Variants in PLD3 observed in about 807,000 individuals in gnomAD.
The protein encoded by PLD3 is phospholipase D family member 3.
In PLD3, 31 loss-of-function variants were observed where a neutral mutation model predicts 58.4. That is an observed-to-expected ratio of 0.53 (90% CI 0.40 to 0.72). PLD3 has a LOEUF of 0.72. Ranked by LOEUF, PLD3 falls within the 30% of genes least tolerant of loss-of-function variation. The pLI is 0.00. For missense variants in PLD3, 595 were observed against 659.8 expected (o/e 0.90, Z 1.08); for synonymous variants, 264 against 273.4 (o/e 0.97, Z 0.34).
intron 8 of PLD3, chr19:40,370,919 C>G (rs967546791): frequency 1.3e-5 from 2 of 152,448 alleles, no homozygotes; most frequent in Non-Finnish European, 2.9e-5. Flanking sequence ...TGCAGACTGG[C>G]CTGTCACCTG....
In PLD3 at chr19:40,378,069, C is replaced by T. The variant is rs577323456; in HGVS notation, c.1369C>T (p.Arg457Trp). ...LVTQNGRGGLRSQLEAIFLRD... is the reference protein window; with the variant it reads ...LVTQNGRGGLWSQLEAIFLRD... Reference sequence around the variant, plus strand: ...GACGCAGAATGGGAGGGGCGGCCTGCGGAGCCAGCTGGAGGCCATTTTCCT... The same window carrying T: ...GACGCAGAATGGGAGGGGCGGCCTGTGGAGCCAGCTGGAGGCCATTTTCCT... The change falls in exon 13 of 13, where the codon CGG (arginine) becomes TGG (tryptophan). Residue 457 changes from arginine to tryptophan, a missense_variant. Physicochemically the swap from Arg to Trp is moderately radical, Grantham distance 101. Coordinates refer to ENST00000409735, the MANE Select transcript of PLD3 (RefSeq NM_012268.4). 1.3e-5 allele frequency: 21 copies of T among 1,613,946 alleles called. No homozygotes were observed. The Admixed American group carries it at 1.8e-4, about 14-fold the overall frequency.
Position 40,371,728 on chromosome 19 carries a change from C to T in PLD3, c.734C>T (p.Thr245Ile). The change falls in exon 9 of 13, where the codon ACC (threonine) becomes ATC (isoleucine). Residue 245 changes from threonine (T) to isoleucine (I), a missense_variant. By Grantham distance (89) the Thr-to-Ile change is moderately conservative (BLOSUM62 -1). Coordinates refer to ENST00000409735, the MANE Select transcript of PLD3 (RefSeq NM_012268.4). ...YNCSCLARDLTKIFEAYWFLG... is the reference protein window; with the variant it reads ...YNCSCLARDLIKIFEAYWFLG... ...TGCAGCTGCCTGGCTCGAGACCTGACCAAGATCTTTGAGGCCTACTGGTTC... is the reference window on the plus strand; with the variant it reads ...TGCAGCTGCCTGGCTCGAGACCTGATCAAGATCTTTGAGGCCTACTGGTTC... 2 of 1,613,954 alleles carry T rather than the reference C, an allele frequency of 1.2e-6. No homozygotes were observed. The highest frequency in any genetic ancestry group is 1.7e-6 in the Non-Finnish European group (2 of 1,179,968).
intron 10 of PLD3, 113 bp from the exon 11 acceptor site, chr19:40,376,496 T>A: frequency 4.1e-6 from 4 of 972,722 alleles, no homozygotes; most frequent in Non-Finnish European, 6.1e-6. Flanking sequence ...GATGAGGAAG[T>A]CCTCTCAATA....
chr19:40,352,383 G>A (rs2078541185), intron 1 of PLD3, among the ~76,000 whole-genome samples: 1 of 152,168 alleles, frequency 6.6e-6, no homozygotes, highest in South Asian at 2.1e-4. Flanking sequence ...CAGACGGTGG[G>A]GGGCAGGCAG....
intron 11 of PLD3, among the ~76,000 whole-genome samples, chr19:40,377,396 GA>G (rs1443504297): frequency 5.1e-5 from 6 of 118,478 alleles, no homozygotes; most frequent in Non-Finnish European, 1.1e-4. Context: ...GGCTGGGATG[GA>G]GGAGGCCCAG....
intron 10 of PLD3, 108 bp downstream of exon 10, chr19:40,374,728 G>A: frequency 8.1e-7 from 1 of 1,229,542 alleles, no homozygotes; most frequent in Non-Finnish European, 1.2e-6. Flanking sequence ...GGGACAGATG[G>A]AAGAGAAGCT....
At chr19:40,353,097 G>C (rs1320011710) in intron 1 of PLD3, among the ~76,000 whole-genome samples, 1 of 152,182 alleles carries the variant, frequency 6.6e-6, no homozygotes, top group Non-Finnish European at 1.5e-5. Context: ...GCATTGTTTT[G>C]TTCATGAATT....
intron 1 of PLD3, among the ~76,000 whole-genome samples, chr19:40,351,268 G>A (rs1471453795): frequency 1.3e-5 from 2 of 151,550 alleles, no homozygotes; most frequent in Admixed American, 1.3e-4. Flanking sequence ...AAACGGCCAG[G>A]CGTAGTGGCT....
intron 10 of PLD3, among the ~76,000 whole-genome samples, chr19:40,375,649 CAAA>C (rs59711528): frequency 1.0e-5 from 1 of 96,182 alleles, no homozygotes. Context: ...GACACCTTCT[CAAA>C]AAAAAAAAAA....
At position 40,376,784 on chromosome 19, in the gene PLD3, G is replaced by T. The variant is rs1466768230; in HGVS notation, c.1185+10G>T. On this transcript the variant is annotated intron_variant, in intron 11 of 12. Coordinates refer to ENST00000409735, the MANE Select transcript of PLD3 (RefSeq NM_012268.4). The stretch of plus-strand genomic sequence containing the variant: ...CTCTGACATCCAGGTGGTAAGTACT[G>T]CCCCAAGCCACCCCTTGGCCCCTGT... The T allele has an allele frequency of 5.0e-6, 8 of 1,597,390 alleles. No individual in the cohort carries two copies. The highest frequency in any genetic ancestry group is 6.8e-6 in the Non-Finnish European group (8 of 1,178,632).
In PLD3 at chr19:40,366,424, A is replaced by G. The variant is rs1022498812; in HGVS notation, c.-60A>G. ...GCCCACTTTTGTTCTGCCAGTTTGG[A>G]GACCCTGACACACCCACCTTCTCAC... On this transcript the variant is annotated 5_prime_UTR_variant, in exon 3 of 13. Coordinates refer to ENST00000409735, the MANE Select transcript of PLD3 (RefSeq NM_012268.4). 5.9e-6 allele frequency: 9 copies of G among 1,525,688 alleles called. No homozygotes were observed. The African/African-American group carries it at 1.2e-4, about 21-fold the overall frequency. 94.5% of individuals were successfully genotyped at this position (1,525,688 alleles called of 1,614,324 possible). A position where few individuals can be genotyped will look rare whatever the true frequency, so the allele number is the denominator to read the frequency against.
intron 1 of PLD3, among the ~76,000 whole-genome samples, chr19:40,361,547 C>T (rs2078784309): frequency 6.6e-6 from 1 of 152,164 alleles, no homozygotes; most frequent in African/African-American, 2.4e-5. Context: ...TGTGACATCT[C>T]CTCTCCCACT....
At chr19:40,372,539 G>C (rs2079090895) in intron 9 of PLD3, among the ~76,000 whole-genome samples, 1 of 149,622 alleles carries the variant, frequency 6.7e-6, no homozygotes, top group Non-Finnish European at 1.5e-5. Context: ...TGTAATCCCA[G>C]CACTTTGGGA....
At chr19:40,376,887 CT>C in intron 11 of PLD3, 113 bp downstream of exon 11, 1 of 1,051,898 alleles carries the variant, frequency 9.5e-7, no homozygotes, top group Non-Finnish European at 1.4e-6. Flanking sequence ...AGCCCTGTCA[CT>C]GTGGGGAAAC....
At position 40,348,699 on chromosome 19, in the gene PLD3, C is replaced by A. The variant is rs1022509251; in HGVS notation, c.-348C>A. 7.6e-6 allele frequency: 5 copies of A among 661,242 alleles called. No homozygotes were observed. Among genetic ancestry groups the A allele is most frequent in the South Asian group, 5.6e-5 (2 of 35,768 alleles). The allele number at this position is 661,242 out of a possible 1,614,324, so 41.0% of individuals were successfully genotyped here. On this transcript the variant is annotated 5_prime_UTR_variant, in exon 1 of 13. Coordinates refer to ENST00000409735, the MANE Select transcript of PLD3 (RefSeq NM_012268.4). The stretch of plus-strand genomic sequence containing the variant: ...GCGCCTGCGCGCGGCTAGGAGGGGC[C>A]GTCAGGCGGGGATACAGCCTGGAAG...
intron 1 of PLD3, chr19:40,358,719 A>G (rs1175461210): frequency 6.6e-6 from 1 of 152,268 alleles, no homozygotes; most frequent in African/African-American, 2.4e-5. Flanking sequence ...TGGTTTATAG[A>G]TGAGGCCAGC....
chr19:40,371,491 T>G (rs1162604488), intron 8 of PLD3, 182 bp from the exon 9 acceptor site: 2 of 590,152 alleles, frequency 3.4e-6, no homozygotes, highest in African/African-American at 3.7e-5. Flanking sequence ...AACCTGGAGC[T>G]TTGGAATAAC....
At chr19:40,374,816 AG>A (rs1296709021) in intron 10 of PLD3, 196 bp downstream of exon 10, 1 of 600,112 alleles carries the variant, frequency 1.7e-6, no homozygotes, top group Non-Finnish European at 2.9e-6. Context: ...GAGATTACAG[AG>A]GAGACAGGGA....
chr19:40,373,519 G>A (rs1270780082), intron 9 of PLD3, among the ~76,000 whole-genome samples: 3 of 151,206 alleles, frequency 2.0e-5, no homozygotes, highest in Non-Finnish European at 4.4e-5. Flanking sequence ...AGAGGTTGCA[G>A]GGAGCCGAGA....
Sources: allele counts gnomAD v4.1 joint callset (sites outside exome capture counted in the v4.1 genomes callset), GRCh38; gene constraint gnomAD v4.1.1; transcripts MANE v1.5; gene names NCBI Gene and HGNC (gene_info 2026-07-23, HGNC 2026-07-21).